The following HMCN2 variants were observed in gnomAD, a reference collection of about 807,000 sequenced individuals.
HMCN2 encodes hemicentin 2, also known as hemicentin-2.
HMCN2 carries 325 observed loss-of-function variants against 377.5 expected under a neutral mutation model. That is an observed-to-expected ratio of 0.86 (90% CI 0.79 to 0.94). The LOEUF (loss-of-function observed/expected upper bound fraction) is 0.94, where lower values mean the gene tolerates loss of function less well. Ranked by LOEUF, HMCN2 falls within the 40% of genes least tolerant of loss-of-function variation. The pLI, the probability that HMCN2 is intolerant of heterozygous loss-of-function variation, is 0.00. For missense variants in HMCN2, 4,543 were observed against 4,725.3 expected (o/e 0.96, Z 1.13); for synonymous variants, 2,007 against 2,046.8 (o/e 0.98, Z 0.53).
Position 130,374,576 on chromosome 9 carries a change from C to G in HMCN2, c.7513C>G (p.Pro2505Ala). The G allele has an allele frequency of 1.0e-6, 1 of 985,778 alleles. No individual in the cohort carries two copies. Among genetic ancestry groups the G allele is most frequent in the Non-Finnish European group, 1.2e-6 (1 of 829,972 alleles). 61.1% of individuals were successfully genotyped at this position (985,778 alleles called of 1,614,324 possible). ...LARGDAHHIS[P>A]DGVLLQVLQA... ...TAGGGGAGATGCTCACCACATCTCC[C>G]CAGACGGAGTCCTCCTGCAGGTCCT... The change falls in exon 49 of 98, where the codon CCA becomes GCA. Residue 2505 changes from proline to alanine, a missense_variant. Coordinates refer to ENST00000683500, the MANE Select transcript of HMCN2 (RefSeq NM_001291815.2).
chr9:130,391,912 C>G, intron 65 of HMCN2, 23 bp from the exon 66 acceptor site: 1 of 986,770 alleles, frequency 1.0e-6, no homozygotes, highest in Non-Finnish European at 1.2e-6. Flanking sequence ...CGCACTACCC[C>G]TCTTTTTTCT....
intron 87 of HMCN2, among the ~76,000 whole-genome samples, chr9:130,424,521 T>A (rs1844215514): frequency 1.3e-5 from 2 of 151,998 alleles, no homozygotes; most frequent in Admixed American, 6.6e-5. Context: ...AGAGACAGAG[T>A]CTCACTATGT....
intron 7 of HMCN2, among the ~76,000 whole-genome samples, chr9:130,298,798 T>C (rs1190185930): frequency 2.6e-5 from 4 of 152,034 alleles, no homozygotes; most frequent in African/African-American, 9.7e-5. Context: ...TGGGAAGCCG[T>C]GGTTGGACGA....
rs1298163988 is a variant in HMCN2 at position 130,360,336 on chromosome 9, T to TG, written c.5774-91dup. 2 of 638,752 alleles carry TG rather than the reference T, an allele frequency of 3.1e-6. No homozygotes were observed. Among genetic ancestry groups the TG allele is most frequent in the Admixed American group, 9.1e-5 (2 of 21,940 alleles). The allele number at this position is 638,752 out of a possible 1,614,324, so 39.6% of individuals were successfully genotyped here. On this transcript the variant is annotated intron_variant, in intron 37 of 97. Transcript: ENST00000683500. This position sits in a 1 kb window ranked among gnomAD's most constrained non-coding sequence, Gnocchi z 4.7. ...CTTGCATCTCTCTTCCTTTCCCCCT[T>TG]GCATCTCTCTTCCTTTCCCCCTTAC... is the stretch of plus-strand genomic sequence containing the variant.
rs1046098126 is a variant in HMCN2, at chr9:130,388,419, A to T, written c.9402A>T (p.Thr3134=). Residue 3134 remains threonine, a synonymous_variant, in exon 62 of 98, where the codon ACA becomes ACT. Coordinates refer to ENST00000683500, the MANE Select transcript of HMCN2 (RefSeq NM_001291815.2). The stretch of plus-strand genomic sequence containing the variant: ...GCTTTCTTCCTGCAGTGCCCCCAAC[A>T]TTTGAGAACCCCAAGACAGAGACAG... ...TFTLTVQVPP[T]FENPKTETVS... 2 of 987,840 alleles carry T rather than the reference A, an allele frequency of 2.0e-6. No individual in the cohort carries two copies. Among genetic ancestry groups the T allele is most frequent in the African/African-American group, 3.5e-5 (2 of 57,276 alleles). 61.2% of individuals were successfully genotyped at this position (987,840 alleles called of 1,614,324 possible). A position where few individuals can be genotyped will look rare whatever the true frequency, so the allele number is the denominator to read the frequency against.
At chr9:130,420,256 A>G (rs900875681) in intron 86 of HMCN2, among the ~76,000 whole-genome samples, 1 of 151,468 alleles carries the variant, frequency 6.6e-6, no homozygotes, top group Non-Finnish European at 1.5e-5. Flanking sequence ...TTGTATTTTT[A>G]GTACAGATGG....
At chr9:130,293,018 A>C (rs1539269) in intron 4 of HMCN2, among the ~76,000 whole-genome samples, 115,249 of 151,622 alleles carry the variant, frequency 0.76, 44,382 homozygotes, top group East Asian at 0.97. Context: ...ACCTGCCTAT[A>C]TACCTACCTA....
At chr9:130,289,132 TC>T (rs1211715280) in intron 4 of HMCN2, among the ~76,000 whole-genome samples, 3 of 152,068 alleles carry the variant, frequency 2.0e-5, no homozygotes, top group African/African-American at 7.2e-5. Context: ...GGAAAGCCCC[TC>T]TGTCTTTTTT....
chr9:130,333,630 C>T (rs1220304389), intron 22 of HMCN2, among the ~76,000 whole-genome samples: 2 of 152,218 alleles, frequency 1.3e-5, no homozygotes, highest in African/African-American at 4.8e-5. Flanking sequence ...CAACAGCAGC[C>T]TGTTCCTCGG....
rs1209030179 is a variant in HMCN2 at position 130,359,434 on chromosome 9, C to T, written c.5773+20C>T. ...CTCCTGGTAAGACCCCTCCTCTTGG[C>T]TGAAAGCTACTTCCAGCCCAATTTA... On this transcript the variant is annotated intron_variant, in intron 37 of 97. Coordinates refer to ENST00000683500, the MANE Select transcript of HMCN2 (RefSeq NM_001291815.2). 1 of 1,250,392 alleles carries T rather than the reference C, an allele frequency of 8.0e-7. No homozygotes were observed. Among genetic ancestry groups the T allele is most frequent in the Admixed American group, 2.3e-5 (1 of 43,212 alleles). The allele number at this position is 1,250,392 out of a possible 1,614,324, so 77.5% of individuals were successfully genotyped here.
At chr9:130,411,902 C>T (rs1843438094) in intron 85 of HMCN2, among the ~76,000 whole-genome samples, 1 of 152,042 alleles carries the variant, frequency 6.6e-6, no homozygotes, top group Non-Finnish European at 1.5e-5. Context: ...ATACTCAACA[C>T]TACTGAAGTG....
intron 23 of HMCN2, among the ~76,000 whole-genome samples, chr9:130,338,873 T>A (rs2131467368): frequency 1.3e-5 from 2 of 152,344 alleles, no homozygotes; most frequent in South Asian, 4.1e-4. Flanking sequence ...TTTTGTGATA[T>A]TTCAAATTTA....
At chr9:130,390,285 CAG>C (rs1008991783) in intron 62 of HMCN2, among the ~76,000 whole-genome samples, 5 of 151,952 alleles carry the variant, frequency 3.3e-5, no homozygotes, top group Non-Finnish European at 5.9e-5. Flanking sequence ...CCGGCTCCAT[CAG>C]GGGCTCACAG....
intron 1 of HMCN2, among the ~76,000 whole-genome samples, chr9:130,273,230 A>G (rs567356852): frequency 3.4e-4 from 51 of 152,026 alleles, no homozygotes; most frequent in African/African-American, 1.2e-3. Context: ...TTTTTTACAA[A>G]TGAGTATTGC....
chr9:130,317,420 A>G (rs1231536699), intron 15 of HMCN2, among the ~76,000 whole-genome samples: 13 of 150,854 alleles, frequency 8.6e-5, no homozygotes, highest in Non-Finnish European at 1.2e-4. Context: ...GCAGTGAGCT[A>G]TGATTGTGCC....
intron 5 of HMCN2, among the ~76,000 whole-genome samples, chr9:130,295,353 T>A (rs1441142228): frequency 6.6e-6 from 1 of 151,492 alleles, no homozygotes; most frequent in Non-Finnish European, 1.5e-5. Flanking sequence ...GAAGCTGGGG[T>A]TCCAGGTGCT....
chr9:130,316,679 G>A (rs1168371287), intron 15 of HMCN2, among the ~76,000 whole-genome samples: 1 of 152,210 alleles, frequency 6.6e-6, no homozygotes, highest in Non-Finnish European at 1.5e-5. Context: ...CCAGAAAACT[G>A]ACTGTGGCTA....
rs534145320 is a variant in HMCN2, at chr9:130,390,369, G to A, written c.9524-608G>A. Reference sequence around the variant, plus strand: ...TACATTGTGAACTCCTTGAGGACAGGGACTGAGCTGCCCTCATCTTGATTC... The same window carrying A: ...TACATTGTGAACTCCTTGAGGACAGAGACTGAGCTGCCCTCATCTTGATTC... On this transcript the variant is annotated intron_variant, in intron 62 of 97. Transcript: ENST00000683500. 6.6e-5 allele frequency among the ~76,000 whole-genome samples: 10 copies of A among 152,294 alleles called. No homozygotes were observed. The South Asian group carries it at 1.5e-3, about 22-fold the overall frequency.
intron 48 of HMCN2, among the ~76,000 whole-genome samples, chr9:130,373,690 TA>T (rs1427662514): frequency 3.5e-4 from 52 of 149,388 alleles, no homozygotes; most frequent in Non-Finnish European, 5.7e-4. Context: ...GATGGATGGA[TA>T]GATGGATGGA....
Sources: allele counts gnomAD v4.1 joint callset (sites outside exome capture counted in the v4.1 genomes callset), GRCh38; gene constraint gnomAD v4.1.1; non-coding constraint Gnocchi (gnomAD v3.1); transcripts MANE v1.5; gene names NCBI Gene and HGNC (gene_info 2026-07-23, HGNC 2026-07-21).